The following HIP1 variants were observed in gnomAD, a reference collection of about 807,000 sequenced individuals.
The protein encoded by HIP1 is huntingtin-interacting protein 1.
Under a neutral mutation model 147.6 loss-of-function variants are expected in HIP1, and 65 were observed. The observed-to-expected ratio is 0.44, with a 90% confidence interval of 0.36 to 0.54. The LOEUF (loss-of-function observed/expected upper bound fraction) is 0.54, where lower values mean the gene tolerates loss of function less well. Among genes scored for constraint, HIP1 ranks in the 20% least tolerant of loss-of-function variants. HIP1 has a pLI of 0.00. For synonymous variants in HIP1, 479 were observed against 504.0 expected (o/e 0.95, Z 0.67); for missense variants, 1,061 against 1,299.6 (o/e 0.82, Z 2.82).
chr7:75,543,968 C>T (rs1035722331), intron 27 of HIP1, among the ~76,000 whole-genome samples: 8 of 152,010 alleles, frequency 5.3e-5, no homozygotes, highest in Admixed American at 3.9e-4. Flanking sequence ...GTCAGGAGAT[C>T]GAGGCCATCC....
chr7:75,664,828 C>G (rs1799506338), intron 1 of HIP1, among the ~76,000 whole-genome samples: 1 of 152,102 alleles, frequency 6.6e-6, no homozygotes, highest in South Asian at 2.1e-4. Flanking sequence ...ACCATATTGG[C>G]CAGGCTGGTC....
At chr7:75,690,043 C>T (rs1038165282) in intron 1 of HIP1, among the ~76,000 whole-genome samples, 7 of 151,628 alleles carry the variant, frequency 4.6e-5, no homozygotes, top group Non-Finnish European at 1.0e-4. Flanking sequence ...GCTGAGGCGG[C>T]GGGGGATCGC....
intron 1 of HIP1, among the ~76,000 whole-genome samples, chr7:75,695,970 C>T (rs1312650059): frequency 6.6e-6 from 1 of 151,626 alleles, no homozygotes; most frequent in East Asian, 2.0e-4. Context: ...TTGGCATTTG[C>T]TTTCCTCCTG....
chr7:75,607,780 T>C (rs1420255498), intron 1 of HIP1, among the ~76,000 whole-genome samples: 1 of 151,668 alleles, frequency 6.6e-6, no homozygotes, highest in African/African-American at 2.4e-5. Context: ...CATCAGCAAG[T>C]GTAGGGCGGG....
chr7:75,696,882 G>A (rs1800657014), intron 1 of HIP1, among the ~76,000 whole-genome samples: 1 of 151,730 alleles, frequency 6.6e-6, no homozygotes, highest in East Asian at 1.9e-4. Flanking sequence ...TTACAGGCGT[G>A]AGCCACTGTG....
At chr7:75,538,597 T>C (rs1478945390) in intron 30 of HIP1, among the ~76,000 whole-genome samples, 9 of 139,412 alleles carry the variant, frequency 6.5e-5, no homozygotes, top group East Asian at 4.2e-4. Context: ...TTTTTTGAGA[T>C]GGAGTCTCGC....
intron 9 of HIP1, among the ~76,000 whole-genome samples, chr7:75,566,049 G>A (rs2116858804): frequency 6.6e-6 from 1 of 150,430 alleles, no homozygotes; most frequent in East Asian, 1.9e-4. Context: ...TTTGTTTTGA[G>A]ATGGAATCTC....
Position 75,638,289 on chromosome 7 carries a change from TC to T in HIP1, c.121-39043del, listed in dbSNP as rs201956258. ...CCTGCGAACCCCCCTCCCATCAGAA[TC>T]CCCCAAATCACATCCTGGTACCGGC... On this transcript the variant is annotated intron_variant, in intron 1 of 30. Transcript: ENST00000336926. 2.6e-3 allele frequency among the ~76,000 whole-genome samples: 393 copies of T among 151,024 alleles called. 3 individuals carry two copies. In the East Asian group the frequency reaches 0.051, roughly 20 times the overall value.
In HIP1 at chr7:75,726,703, C is replaced by CTTT. The variant is rs797038208; in HGVS notation, c.120+12095_120+12097dup. ...TAGAGGTATCTCATTAAATGTTTTT[C>CTTT]TTTTTTTTTTTTTTTTGGTAGACAG... On this transcript the variant is annotated intron_variant, in intron 1 of 30. Coordinates refer to ENST00000336926, the MANE Select transcript of HIP1 (RefSeq NM_005338.7). Among the ~76,000 whole-genome samples the CTTT allele has an allele frequency of 1.1e-3, 144 of 133,452 alleles. No individual in the cohort carries two copies. In the Middle Eastern group the frequency reaches 0.012, roughly 11 times the overall value. The allele number at this position is 133,452 out of a possible 152,430, so 87.5% of individuals were successfully genotyped here. A position where few individuals can be genotyped will look rare whatever the true frequency, so the allele number is the denominator to read the frequency against.
At chr7:75,687,554 G>C (rs1465898132) in intron 1 of HIP1, among the ~76,000 whole-genome samples, 1 of 152,102 alleles carries the variant, frequency 6.6e-6, no homozygotes, top group Non-Finnish European at 1.5e-5. Context: ...AGCCAGGCTT[G>C]GTGGCGGGCA....
chr7:75,592,444 C>T lies in HIP1; in HGVS notation c.255G>A (p.Leu85=), dbSNP rs1554501009. ...TCCAGCAGAGCACTGCGTTGCTAGACAGAGGCAGGCGGTTGACAACAGACC... is the reference window on the plus strand; with the variant it reads ...TCCAGCAGAGCACTGCGTTGCTAGATAGAGGCAGGCGGTTGACAACAGACC... The part of the protein sequence containing the change: ...TFWSVVNRLP[L]SSNAVLCWKF... The change falls in exon 3 of 31, where the codon CTG becomes CTA. Residue 85 remains leucine, a synonymous_variant. Coordinates refer to ENST00000336926, the MANE Select transcript of HIP1 (RefSeq NM_005338.7). 6.2e-6 allele frequency: 10 copies of T among 1,612,568 alleles called. No individual in the cohort carries two copies. The highest frequency in any genetic ancestry group is 8.5e-6 in the Non-Finnish European group (10 of 1,179,714).
chr7:75,556,310 G>A (rs1554493331), intron 17 of HIP1, 141 bp from the exon 18 acceptor site: 4 of 1,069,782 alleles, frequency 3.7e-6, no homozygotes, highest in Non-Finnish European at 5.4e-6. Flanking sequence ...TCCCTCCCGG[G>A]GACACACTGA....
At chr7:75,599,838 CTTT>C (rs11322113) in intron 1 of HIP1, among the ~76,000 whole-genome samples, 25 of 122,382 alleles carry the variant, frequency 2.0e-4, no homozygotes, top group Non-Finnish European at 2.9e-4. Flanking sequence ...AAATCGTTAA[CTTT>C]TTTTTTTTTT....
At position 75,593,832 on chromosome 7, in the gene HIP1, C is replaced by G. The variant is rs1796587349; in HGVS notation, c.185-1318G>C. ...GCCCTTTCTGTAAACCTCAACACCC[C>G]ACTTCTTCCGTAAACCCACCTGGCC... On this transcript the variant is annotated intron_variant, in intron 2 of 30. Transcript: ENST00000336926. Among the ~76,000 whole-genome samples the G allele has an allele frequency of 5.9e-5, 9 of 152,088 alleles. No individual in the cohort carries two copies. The South Asian group carries it at 1.9e-3, about 32-fold the overall frequency.
At chr7:75,653,245 C>G (rs1220841774) in intron 1 of HIP1, among the ~76,000 whole-genome samples, 2 of 152,106 alleles carry the variant, frequency 1.3e-5, no homozygotes, top group African/African-American at 4.8e-5. Context: ...CAATGAAGCA[C>G]TTGATGAGAT....
chr7:75,548,828 G>T (rs902591798), intron 23 of HIP1, 63 bp downstream of exon 23: 5 of 1,161,946 alleles, frequency 4.3e-6, no homozygotes, highest in Admixed American at 1.7e-5. Context: ...TGTTTAATGA[G>T]CAGTGTTGCA....
At chr7:75,619,875 A>G (rs1554506691) in intron 1 of HIP1, among the ~76,000 whole-genome samples, 1 of 152,188 alleles carries the variant, frequency 6.6e-6, no homozygotes, top group Non-Finnish European at 1.5e-5. Context: ...CTGGCCCAGT[A>G]TAGATGGTCA....
At position 75,683,902 on chromosome 7, in the gene HIP1, TG is replaced by T. The variant is rs1554517243; in HGVS notation, c.120+54898del. 3.0e-3 allele frequency among the ~76,000 whole-genome samples: 445 copies of T among 149,732 alleles called. 7 individuals are homozygous for T. The East Asian group carries it at 0.052, about 18-fold the overall frequency. On this transcript the variant is annotated intron_variant, in intron 1 of 30. Transcript: ENST00000336926. ...CTGCAGCCAACCAGCTACATGAATT[TG>T]AACAAGCTAAGTAGTTCTCTGGAAT...
At chr7:75,650,655 G>C (rs1798944172) in intron 1 of HIP1, among the ~76,000 whole-genome samples, 1 of 152,116 alleles carries the variant, frequency 6.6e-6, no homozygotes, top group Admixed American at 6.6e-5. Context: ...GTTTCGCCAT[G>C]TTGGCCAGAC....
Sources: allele counts gnomAD v4.1 joint callset (sites outside exome capture counted in the v4.1 genomes callset), GRCh38; gene constraint gnomAD v4.1.1; transcripts MANE v1.5; gene names NCBI Gene and HGNC (gene_info 2026-07-23, HGNC 2026-07-21).